The following TPM3 variants were observed in gnomAD, a reference collection of about 807,000 sequenced individuals.
TPM3 encodes tropomyosin alpha-3 chain.
TPM3 carries 16 observed loss-of-function variants against 43.1 expected under a neutral mutation model. The ratio of observed to expected loss-of-function variants is 0.37; its 90% CI spans 0.25 to 0.56. TPM3 has a LOEUF of 0.56. TPM3 is among the 20% of genes least tolerant of loss of function. The probability of loss-of-function intolerance (pLI) is 0.77; values close to 1 mark genes in which losing one functional copy is unlikely to be tolerated. For missense variants in TPM3, 176 were observed against 337.2 expected (o/e 0.52, Z 3.74); for synonymous variants, 101 against 116.9 (o/e 0.86, Z 0.88).
chr1:154,176,282 A>G, intron 2 of TPM3, 34 bp from the exon 3 acceptor site: 1 of 1,614,128 alleles, frequency 6.2e-7, no homozygotes, highest in Non-Finnish European at 8.5e-7. Context: ...CAAGGGAAGC[A>G]GAGGCATGGA....
chr1:154,177,749 G>A (rs1170227972), intron 2 of TPM3, among the ~76,000 whole-genome samples: 1 of 152,124 alleles, frequency 6.6e-6, no homozygotes, highest in Non-Finnish European at 1.5e-5. Flanking sequence ...CTCCGATGAG[G>A]AAGAATATAG....
intron 2 of TPM3, among the ~76,000 whole-genome samples, chr1:154,182,276 G>A (rs1217322310): frequency 1.3e-5 from 2 of 152,196 alleles, no homozygotes; most frequent in African/African-American, 4.8e-5. Flanking sequence ...GTTGAGAGAA[G>A]TACTATCCCC....
chr1:154,182,834 T>C (rs574032822), intron 2 of TPM3, among the ~76,000 whole-genome samples: 1 of 152,114 alleles, frequency 6.6e-6, no homozygotes, highest in Non-Finnish European at 1.5e-5. Flanking sequence ...GGTGTCCTAC[T>C]GGTGCTGAGC....
intron 8 of TPM3, 88 bp downstream of exon 8, chr1:154,170,312 C>A: frequency 6.9e-7 from 1 of 1,439,112 alleles, no homozygotes; most frequent in Non-Finnish European, 9.8e-7. Flanking sequence ...CTACCAACTT[C>A]CTTTGGTGTA....
downstream of TPM3, chr1:154,156,303 A>G (rs1330009812): frequency 5.5e-6 from 1 of 183,338 alleles, no homozygotes; most frequent in Non-Finnish European, 1.2e-5. Context: ...CCCAAACCTC[A>G]TAGCTTCTGT....
At chr1:154,187,762 A>G (rs944180720) in intron 2 of TPM3, among the ~76,000 whole-genome samples, 1 of 151,298 alleles carries the variant, frequency 6.6e-6, no homozygotes, top group Non-Finnish European at 1.5e-5. Context: ...TCCTGGAAAC[A>G]CCTCCTCAAG....
At chr1:154,183,937 A>T (rs1299469386) in intron 2 of TPM3, 1 of 147,306 alleles carries the variant, frequency 6.8e-6, no homozygotes, top group Non-Finnish European at 1.5e-5. Context: ...ACAACTCACT[A>T]CAGCTTCGAA....
intron 8 of TPM3, 66 bp from the exon 9 acceptor site, chr1:154,169,449 A>G: frequency 6.6e-7 from 1 of 1,508,866 alleles, no homozygotes; most frequent in Non-Finnish European, 9.2e-7. Context: ...GAAGCAGATG[A>G]AGAGAGGGAA....
chr1:154,158,748 C>T, downstream of TPM3: 1 of 542,038 alleles, frequency 1.8e-6, no homozygotes. Context: ...TCTCAGGCCC[C>T]TCCCTTCTTC....
chr1:154,160,812 TGA>T (rs1312419071), downstream of TPM3, among the ~76,000 whole-genome samples: 6 of 152,288 alleles, frequency 3.9e-5, no homozygotes, highest in East Asian at 1.9e-4. Flanking sequence ...CTCCAAAATC[TGA>T]AACTTTTTGA....
chr1:154,181,563 GA>G (rs1178342706), intron 2 of TPM3, among the ~76,000 whole-genome samples: 2 of 152,136 alleles, frequency 1.3e-5, no homozygotes, highest in African/African-American at 4.8e-5. Flanking sequence ...CTAGACCTTG[GA>G]AAATCTTATG....
At chr1:154,157,496 CAG>C (rs1659927779), downstream of TPM3, 5 of 752,650 alleles carry the variant, frequency 6.6e-6, no homozygotes, top group Admixed American at 1.7e-5. Flanking sequence ...GAAAAAGACA[CAG>C]GGAAGGAGGG....
At chr1:154,191,383 G>A (rs960845285) in intron 1 of TPM3, 72 bp from the exon 2 acceptor site, 1 of 1,604,896 alleles carries the variant, frequency 6.2e-7, no homozygotes, top group Non-Finnish European at 8.5e-7. Flanking sequence ...CTGGGCTCTT[G>A]GAGCCCTGAG....
chr1:154,174,407 T>TACATATATATACAC (rs1553249402), intron 3 of TPM3, among the ~76,000 whole-genome samples: 2 of 72,678 alleles, frequency 2.8e-5, no homozygotes, highest in Non-Finnish European at 5.1e-5. Flanking sequence ...TATATATATA[T>TACATATATATACAC]ACACACAAAA....
At chr1:154,178,232 T>C in intron 2 of TPM3, 1 of 980,664 alleles carries the variant, frequency 1.0e-6, no homozygotes, top group Non-Finnish European at 1.2e-6. Context: ...GGGGCGGGGG[T>C]GTACAGTTGC....
Position 154,168,838 on chromosome 1 carries a change from C to CTT in TPM3, c.854+465_854+466dup, listed in dbSNP as rs745516100. Among the ~76,000 whole-genome samples the CTT allele has an allele frequency of 1.3e-4, 18 of 138,516 alleles. No homozygotes were observed. In the South Asian group the frequency reaches 1.6e-3, roughly 13 times the overall value. The allele number at this position is 138,516 out of a possible 152,430, so 90.9% of individuals were successfully genotyped here. ...ACTACGCCCAGCCTTTAATGTTTTT[C>CTT]TTTTTTTTTTTTTTTGAGATGGGGT... On this transcript the variant is annotated intron_variant, in intron 9 of 9. Transcript: ENST00000651641.
chr1:154,175,315 A>G (rs1009351908), intron 3 of TPM3, among the ~76,000 whole-genome samples: 1 of 134,950 alleles, frequency 7.4e-6, no homozygotes, highest in Non-Finnish European at 1.5e-5. Flanking sequence ...TGGGCTATAG[A>G]GCGAGACTCT....
Position 154,167,515 on chromosome 1 carries a change from T to G in TPM3, c.*422A>C. 1 of 1,087,952 alleles carries G rather than the reference T, an allele frequency of 9.2e-7. No individual in the cohort carries two copies. The highest frequency in any genetic ancestry group is 1.1e-6 in the Non-Finnish European group (1 of 891,994). 67.4% of individuals were successfully genotyped at this position (1,087,952 alleles called of 1,614,324 possible). A position where few individuals can be genotyped will look rare whatever the true frequency, so the allele number is the denominator to read the frequency against. ...ATTTAATCTTGTTCAGCTTGAGGAG[T>G]ATAACTAAAATTACTATCCTGAGTA... On this transcript the variant is annotated 3_prime_UTR_variant, in exon 10 of 10. Transcript: ENST00000651641.
chr1:154,190,532 C>T (rs972386171), intron 2 of TPM3, among the ~76,000 whole-genome samples: 11 of 152,144 alleles, frequency 7.2e-5, no homozygotes, highest in Non-Finnish European at 7.4e-5. Flanking sequence ...TAATTACTCA[C>T]GGTCATAGAG....
Sources: allele counts gnomAD v4.1 joint callset (sites outside exome capture counted in the v4.1 genomes callset), GRCh38; gene constraint gnomAD v4.1.1; transcripts MANE v1.5; gene names NCBI Gene and HGNC (gene_info 2026-07-23, HGNC 2026-07-21).